The following TRAPPC6A variants were observed in gnomAD, a reference collection of about 807,000 sequenced individuals.
TRAPPC6A encodes the protein TRAPP complex subunit 6A.
In TRAPPC6A, 25 loss-of-function variants were observed where a neutral mutation model predicts 20.8. The observed-to-expected ratio is 1.20, with a 90% CI of 0.88 to 1.68. The LOEUF (loss-of-function observed/expected upper bound fraction) is 1.68, where lower values mean the gene tolerates loss of function less well. Ranked by LOEUF, TRAPPC6A falls within the 40% of genes most tolerant of loss-of-function variation. The pLI is 0.00. For synonymous variants in TRAPPC6A, 96 were observed against 93.3 expected (o/e 1.03, Z -0.16); for missense variants, 215 against 211.6 (o/e 1.02, Z -0.10).
At chr19:45,164,093 G>A in intron 4 of TRAPPC6A, 71 bp downstream of exon 4, 2 of 1,551,784 alleles carry the variant, frequency 1.3e-6, no homozygotes, top group Admixed American at 1.9e-5. Context: ...CTGGGGAAAG[G>A]CCTGATGTGG....
chr19:45,178,166 A>G lies in TRAPPC6A; in HGVS notation c.53T>C (p.Leu18Pro), dbSNP rs779948296. The G allele has an allele frequency of 6.2e-7, 1 of 1,613,036 alleles. No individual in the cohort carries two copies. Among genetic ancestry groups the G allele is most frequent in the Non-Finnish European group, 8.5e-7 (1 of 1,179,282 alleles). The change falls in exon 1 of 6, where the codon CTG becomes CCG. Residue 18 changes from leucine (L) to proline (P), a missense_variant. Coordinates refer to ENST00000585934, the MANE Select transcript of TRAPPC6A (RefSeq NM_001270891.2). Reference sequence around the variant, plus strand: ...GCCGGGGTCGGGGTCGTGAGCCCACAGCTCAGCCACCATCTCCGTGTGAAG... The same window carrying G: ...GCCGGGGTCGGGGTCGTGAGCCCACGGCTCAGCCACCATCTCCGTGTGAAG... ...EFLHTEMVAE[L>P]WAHDPDPGPG... is the part of the protein sequence containing the mutation.
rs12459851 is a variant in TRAPPC6A at position 45,165,395 on chromosome 19, C to T, written c.85-201G>A. Among the ~76,000 whole-genome samples, 1,034 of 152,334 alleles carry T rather than the reference C, an allele frequency of 6.8e-3. 15 individuals carry two copies. The highest frequency in any genetic ancestry group is 0.037 in the Middle Eastern group (11 of 294). On this transcript the variant is annotated intron_variant, in intron 1 of 5. Coordinates refer to ENST00000585934, the MANE Select transcript of TRAPPC6A (RefSeq NM_001270891.2). ...GCTGGGGCTCCCTCACCCACCTCTG[C>T]AGACCTTGCAGGCTCTCTGGATCCC...
chr19:45,163,227 G>GAAGA lies in TRAPPC6A; in HGVS notation c.449-8_449-5dup. On this transcript the variant is annotated splice_region_variant and splice_polypyrimidine_tract_variant and intron_variant, in intron 5 of 5. Coordinates refer to ENST00000585934, the MANE Select transcript of TRAPPC6A (RefSeq NM_001270891.2). The surrounding 1 kb of genome is among the most constrained non-coding windows in gnomAD (Gnocchi z 5.3). Reference sequence around the variant, plus strand: ...GGAATCACCACCTGGAACTTACCTGGAAGAGAAGGCCTGGCTTAGGCTTGA... The same window carrying GAAGA: ...GGAATCACCACCTGGAACTTACCTGGAAGAAAGAGAAGGCCTGGCTTAGGCTTGA... 6.2e-7 allele frequency: 1 copy of GAAGA among 1,613,908 alleles called. No individual in the cohort carries two copies. Among genetic ancestry groups the GAAGA allele is most frequent in the Non-Finnish European group, 8.5e-7 (1 of 1,179,866 alleles).
chr19:45,176,500 T>C (rs1969379087), intron 1 of TRAPPC6A, among the ~76,000 whole-genome samples: 1 of 151,996 alleles, frequency 6.6e-6, no homozygotes. Context: ...AAATTTCTTT[T>C]AGAGGTGAGG....
chr19:45,164,073 C>A (rs1002829546), intron 4 of TRAPPC6A, 64 bp from the exon 5 acceptor site: 1 of 1,548,654 alleles, frequency 6.5e-7, no homozygotes, highest in South Asian at 1.2e-5. Flanking sequence ...GTCTGGGGCA[C>A]CCCTTAGGCC....
At position 45,164,204 on chromosome 19, in the gene TRAPPC6A, GGGA is replaced by G. The variant is rs1568462006; in HGVS notation, c.311_313del (p.Leu104del). 9.9e-6 allele frequency: 16 copies of G among 1,610,132 alleles called. No homozygotes were observed. The highest frequency in any genetic ancestry group is 1.3e-5 in the African/African-American group (1 of 74,980). On this transcript the variant is annotated inframe_deletion, in exon 4 of 6. Transcript: ENST00000585934. ...CAGATACTGCAGGCCAGAGGCCATC[GGGA>G]GGAGGAGGGGGAAGCTGTTGTCTTG...
At position 45,163,850 on chromosome 19, in the gene TRAPPC6A, G is replaced by A; in HGVS notation, c.448+66C>T. 7.2e-7 allele frequency: 1 copy of A among 1,397,934 alleles called. No individual in the cohort carries two copies. Among genetic ancestry groups the A allele is most frequent in the Non-Finnish European group, 9.9e-7 (1 of 1,011,940 alleles). The allele number at this position is 1,397,934 out of a possible 1,614,324, so 86.6% of individuals were successfully genotyped here. A position where few individuals can be genotyped will look rare whatever the true frequency, so the allele number is the denominator to read the frequency against. ...TCCCAGGCACACACACAGGAGTGGG[G>A]CTGGAACTCTGAAGCCCCCAGCAAC... On this transcript the variant is annotated intron_variant, in intron 5 of 5. Transcript: ENST00000585934. This position sits in a 1 kb window ranked among gnomAD's most constrained non-coding sequence, Gnocchi z 5.3.
At chr19:45,164,758 C>G (rs561819245) in intron 3 of TRAPPC6A, 95 bp downstream of exon 3, 1 of 1,203,356 alleles carries the variant, frequency 8.3e-7, no homozygotes, top group Non-Finnish European at 1.2e-6. Flanking sequence ...GGGCGGGTCC[C>G]GGCAGCCGCT....
At position 45,165,147 on chromosome 19, in the gene TRAPPC6A, C is replaced by T. The variant is rs1420581039; in HGVS notation, c.132G>A (p.Val44=). 6.2e-7 allele frequency: 1 copy of T among 1,611,074 alleles called. No individual in the cohort carries two copies. Among genetic ancestry groups the T allele is most frequent in the Admixed American group, 1.7e-5 (1 of 59,710 alleles). Residue 44 remains valine, a synonymous_variant, in exon 2 of 6, where the codon GTG becomes GTA. Transcript: ENST00000585934. ...LSVLEGMGFR[V]GQALGERLPR... is the part of the protein sequence containing the mutation. Reference sequence around the variant, plus strand: ...CTCACCTCTCGCCTAGAGCCTGGCCCACACGGAACCCCATACCCTCCAGGA... The same window carrying T: ...CTCACCTCTCGCCTAGAGCCTGGCCTACACGGAACCCCATACCCTCCAGGA...
Sources: gnomAD v4.1 joint callset for allele counts (sites outside exome capture counted in the v4.1 genomes callset) on GRCh38, gnomAD v4.1.1 for gene constraint, Gnocchi (gnomAD v3.1) non-coding constraint, MANE v1.5 for transcripts, NCBI Gene and HGNC (gene_info 2026-07-23, HGNC 2026-07-21) for gene names.